Variants in ARMC8 observed in about 807,000 individuals in gnomAD.
ARMC8 encodes the protein armadillo repeat-containing protein 8.
In ARMC8, 20 loss-of-function variants were observed where a neutral mutation model predicts 99.3. The observed-to-expected ratio is 0.20, with a 90% CI of 0.14 to 0.29. The LOEUF (loss-of-function observed/expected upper bound fraction) is 0.29. Ranked by LOEUF, ARMC8 falls within the 10% of genes least tolerant of loss-of-function variation. ARMC8 has a pLI of 1.00. For missense variants in ARMC8, 569 were observed against 809.5 expected (o/e 0.70, Z 3.60); for synonymous variants, 263 against 278.3 (o/e 0.95, Z 0.55).
At chr3:138,217,878 A>G (rs1010647499) in intron 2 of ARMC8, among the ~76,000 whole-genome samples, 1 of 152,232 alleles carries the variant, frequency 6.6e-6, no homozygotes, top group African/African-American at 2.4e-5. Flanking sequence ...GACATGAAGT[A>G]GTCACTCGAC....
rs58707271 is a variant in ARMC8, at chr3:138,201,436, CTTTTTTTTTTTTTTTTTTTTTT to C, written c.46-8361_46-8340del. Among the ~76,000 whole-genome samples, 330 of 64,964 alleles carry C rather than the reference CTTTTTTTTTTTTTTTTTTTTTT, an allele frequency of 5.1e-3. 2 individuals are homozygous for C. Among genetic ancestry groups the C allele is most frequent in the East Asian group, 7.1e-3 (15 of 2,124 alleles). 42.6% of individuals were successfully genotyped at this position (64,964 alleles called of 152,430 possible). A position where few individuals can be genotyped will look rare whatever the true frequency, so the allele number is the denominator to read the frequency against. ...TAGAGTCCTTGTCTTCTTCCCCTCC[CTTTTTTTTTTTTTTTTTTTTTT>C]TTTTTTTTTTTTTTTTTTTCCTGAG... On this transcript the variant is annotated intron_variant, in intron 1 of 21. Coordinates refer to ENST00000469044, the MANE Select transcript of ARMC8 (RefSeq NM_001363941.2).
rs186233416 is a variant in ARMC8, at chr3:138,231,274, A to G, written c.528+2264A>G. 2.0e-3 allele frequency among the ~76,000 whole-genome samples: 305 copies of G among 152,240 alleles called. 1 individual carries two copies. The highest frequency in any genetic ancestry group is 7.1e-3 in the African/African-American group (296 of 41,528). On this transcript the variant is annotated intron_variant, in intron 6 of 21. Coordinates refer to ENST00000469044, the MANE Select transcript of ARMC8 (RefSeq NM_001363941.2). ...TTAAATATAAAACCCTTTTATTTTC[A>G]TGTTGTTCTTTTTTTGCATATAAGT...
At chr3:138,271,798 C>CTTTCTTTTTTTTTTTTTTTTTTTT (rs1018824241) in intron 16 of ARMC8, among the ~76,000 whole-genome samples, 22 of 136,122 alleles carry the variant, frequency 1.6e-4, no homozygotes, top group African/African-American at 5.7e-4. Context: ...TTTTTTCTTT[C>CTTTCTTTTTTTTTTTTTTTTTTTT]TTTTTTTTTT....
chr3:138,232,145 AT>A (rs888919418), intron 6 of ARMC8, among the ~76,000 whole-genome samples: 12 of 148,164 alleles, frequency 8.1e-5, no homozygotes, highest in African/African-American at 3.0e-4. Flanking sequence ...TAATTTTCAT[AT>A]TTTTTTTTAA....
At chr3:138,193,505 A>T (rs1212844904) in intron 1 of ARMC8, among the ~76,000 whole-genome samples, 2 of 151,364 alleles carry the variant, frequency 1.3e-5, no homozygotes, top group Non-Finnish European at 2.9e-5. Context: ...GCCTCAGGTG[A>T]TCTGCCCACC....
chr3:138,231,605 AT>A (rs892601718), intron 6 of ARMC8, among the ~76,000 whole-genome samples: 3 of 152,120 alleles, frequency 2.0e-5, no homozygotes, highest in African/African-American at 7.2e-5. Context: ...TTCTGAGCCT[AT>A]TTTTTGGAGT....
intron 10 of ARMC8, among the ~76,000 whole-genome samples, 154 bp downstream of exon 10, chr3:138,239,682 A>G (rs1284101087): frequency 3.9e-5 from 6 of 152,136 alleles, no homozygotes. Flanking sequence ...TTTTCAGTGG[A>G]TGTCATATAG....
At chr3:138,228,172 G>A (rs2108105264) in intron 5 of ARMC8, among the ~76,000 whole-genome samples, 1 of 152,278 alleles carries the variant, frequency 6.6e-6, no homozygotes, top group South Asian at 2.1e-4. Context: ...TAGAGACGGG[G>A]TTTCGCCATG....
At chr3:138,295,146 T>C (rs1351363191) in intron 21 of ARMC8, among the ~76,000 whole-genome samples, 2 of 152,016 alleles carry the variant, frequency 1.3e-5, no homozygotes, top group Non-Finnish European at 2.9e-5. Flanking sequence ...TGATCTGCCC[T>C]CCTCAGCCTC....
intron 16 of ARMC8, 135 bp from the exon 17 acceptor site, chr3:138,272,832 A>G (rs1303394426): frequency 1.4e-6 from 1 of 725,328 alleles, no homozygotes; most frequent in Non-Finnish European, 2.0e-6. Context: ...TTATTGTGCC[A>G]CTGCACACCA....
intron 3 of ARMC8, 139 bp downstream of exon 3, chr3:138,222,136 G>A: frequency 1.6e-6 from 1 of 641,012 alleles, no homozygotes. Context: ...ATAAATGTAA[G>A]TATTTAAACT....
chr3:138,222,087 T>C, intron 3 of ARMC8, 90 bp downstream of exon 3: 5 of 933,890 alleles, frequency 5.4e-6, no homozygotes, highest in East Asian at 4.9e-5. Context: ...TTTTCCTGTA[T>C]TGTCTGTCTA....
intron 2 of ARMC8, among the ~76,000 whole-genome samples, chr3:138,216,045 ATTTTTTTTTT>A (rs755521341): frequency 7.8e-6 from 1 of 128,536 alleles, no homozygotes; most frequent in Non-Finnish European, 1.7e-5. Context: ...TGCCCAGCTA[ATTTTTTTTTT>A]TTTTTTTTTT....
intron 9 of ARMC8, chr3:138,238,449 G>C (rs1449242840): frequency 6.6e-6 from 1 of 152,204 alleles, no homozygotes; most frequent in African/African-American, 2.4e-5. Context: ...TGGGTGTGTT[G>C]AGCACTTGTG....
chr3:138,277,998 C>T (rs1386857455), intron 18 of ARMC8, among the ~76,000 whole-genome samples: 2 of 152,094 alleles, frequency 1.3e-5, no homozygotes, highest in African/African-American at 2.4e-5. Context: ...ATGCCAGATA[C>T]AATACAAAAG....
At chr3:138,217,370 A>T (rs2045118725) in intron 2 of ARMC8, among the ~76,000 whole-genome samples, 1 of 149,278 alleles carries the variant, frequency 6.7e-6, no homozygotes, top group Non-Finnish European at 1.5e-5. Context: ...TACTTGATTG[A>T]CTGAAATGGT....
At chr3:138,247,133 G>A (rs1304949058) in intron 12 of ARMC8, among the ~76,000 whole-genome samples, 1 of 152,014 alleles carries the variant, frequency 6.6e-6, no homozygotes, top group African/African-American at 2.4e-5. Flanking sequence ...ATAAATAGTA[G>A]CACTTTTCTT....
At chr3:138,269,061 G>T (rs1186911103) in intron 15 of ARMC8, among the ~76,000 whole-genome samples, 1 of 152,142 alleles carries the variant, frequency 6.6e-6, no homozygotes, top group Non-Finnish European at 1.5e-5. Context: ...AGATAATGTG[G>T]ATTAGGTACA....
intron 18 of ARMC8, among the ~76,000 whole-genome samples, chr3:138,281,099 A>C (rs934157398): frequency 5.3e-5 from 8 of 152,200 alleles, no homozygotes; most frequent in Admixed American, 3.3e-4. Flanking sequence ...AAAAATTACC[A>C]AAAGAGACAG....
Sources: gnomAD v4.1 joint callset for allele counts (sites outside exome capture counted in the v4.1 genomes callset) on GRCh38, gnomAD v4.1.1 for gene constraint, MANE v1.5 for transcripts, NCBI Gene and HGNC (gene_info 2026-07-23, HGNC 2026-07-21) for gene names.